KLHL3: variants seen among roughly 807,000 people sequenced by gnomAD.
KLHL3 encodes kelch like family member 3, also known as kelch-like protein 3.
A neutral mutation model predicts 70.5 loss-of-function variants in KLHL3; 19 were observed. The observed-to-expected ratio is 0.27, with a 90% confidence interval of 0.19 to 0.40. KLHL3 has a LOEUF of 0.40. Among genes scored for constraint, KLHL3 ranks in the 10% least tolerant of loss-of-function variants. KLHL3 has a pLI of 1.00. For synonymous variants in KLHL3, 258 were observed against 290.3 expected (o/e 0.89, Z 1.13); for missense variants, 512 against 771.1 (o/e 0.66, Z 3.98).
intron 1 of KLHL3, among the ~76,000 whole-genome samples, chr5:137,730,228 T>A (rs1218040413): frequency 6.6e-6 from 1 of 152,188 alleles, no homozygotes; most frequent in East Asian, 1.9e-4. Flanking sequence ...CCTGGGCTTT[T>A]AATAACAATG....
intron 3 of KLHL3, chr5:137,707,585 C>T (rs1752710051): frequency 6.5e-6 from 1 of 154,268 alleles, no homozygotes; most frequent in Non-Finnish European, 1.5e-5. Context: ...TTACTTTTTG[C>T]TTGCCCACAG....
At chr5:137,734,176 T>C (rs1753224689) in intron 1 of KLHL3, among the ~76,000 whole-genome samples, 2 of 152,092 alleles carry the variant, frequency 1.3e-5, no homozygotes, top group Admixed American at 1.3e-4. Context: ...GTCAAGCAAA[T>C]AGGCATGGCC....
Position 137,621,144 on chromosome 5 carries a change from C to T in KLHL3, c.*954G>A, listed in dbSNP as rs1750284710. 1.3e-5 allele frequency: 2 copies of T among 152,658 alleles called. No homozygotes were observed. The highest frequency in any genetic ancestry group is 1.3e-4 in the Admixed American group (2 of 15,274). 9.5% of individuals were successfully genotyped at this position (152,658 alleles called of 1,614,324 possible). A position where few individuals can be genotyped will look rare whatever the true frequency, so the allele number is the denominator to read the frequency against. On this transcript the variant is annotated 3_prime_UTR_variant, in exon 15 of 15. Transcript: ENST00000309755. ...AAGTATAAATGGGGACTGTCCTGTCCTGGGAAAACCTAAAAGTAGGACCCT... is the reference window on the plus strand; with the variant it reads ...AAGTATAAATGGGGACTGTCCTGTCTTGGGAAAACCTAAAAGTAGGACCCT...
chr5:137,691,088 T>A (rs1752309756), intron 5 of KLHL3, among the ~76,000 whole-genome samples: 1 of 152,146 alleles, frequency 6.6e-6, no homozygotes, highest in Non-Finnish European at 1.5e-5. Context: ...CAAAACCCCA[T>A]TAAAATAATA....
At chr5:137,652,241 T>C (rs546605786) in intron 8 of KLHL3, among the ~76,000 whole-genome samples, 2 of 152,134 alleles carry the variant, frequency 1.3e-5, no homozygotes, top group African/African-American at 2.4e-5. Flanking sequence ...ACAGCCACCA[T>C]GGAAAACAGT....
At chr5:137,633,918 A>G in intron 12 of KLHL3, 119 bp downstream of exon 12, 1 of 1,298,468 alleles carries the variant, frequency 7.7e-7, no homozygotes, top group Non-Finnish European at 1.1e-6. Context: ...ACCATTATGC[A>G]ATATATCCAT....
intron 8 of KLHL3, among the ~76,000 whole-genome samples, chr5:137,655,014 A>C (rs766471682): frequency 5.3e-5 from 8 of 152,206 alleles, no homozygotes; most frequent in African/African-American, 7.2e-5. Flanking sequence ...AGTCCAAAAA[A>C]GGAGAGGTCA....
chr5:137,729,595 T>G (rs906254596), intron 1 of KLHL3, among the ~76,000 whole-genome samples: 1 of 152,172 alleles, frequency 6.6e-6, no homozygotes, highest in African/African-American at 2.4e-5. Flanking sequence ...AGTAATATTT[T>G]ACTGCAAATC....
rs1580715400 is a variant in KLHL3, at chr5:137,628,289, G to A, written c.1591+8C>T. The A allele has an allele frequency of 6.2e-7, 1 of 1,614,056 alleles. No homozygotes were observed. Among genetic ancestry groups the A allele is most frequent in the Non-Finnish European group, 8.5e-7 (1 of 1,179,948 alleles). ...CCCCAAAGGGGAGATGGAGAGAGCA[G>A]TCATTACCTGCGTTGCGCCGGCACA... On this transcript the variant is annotated splice_region_variant and intron_variant, in intron 13 of 14. Coordinates refer to ENST00000309755, the MANE Select transcript of KLHL3 (RefSeq NM_017415.3).
intron 5 of KLHL3, among the ~76,000 whole-genome samples, chr5:137,690,683 C>T (rs1388160364): frequency 6.6e-6 from 1 of 152,174 alleles, no homozygotes; most frequent in Non-Finnish European, 1.5e-5. Context: ...TCTCTGCAGG[C>T]TCCTGGGGTC....
intron 11 of KLHL3, among the ~76,000 whole-genome samples, chr5:137,635,648 A>T (rs1580721719): frequency 6.6e-6 from 1 of 152,078 alleles, no homozygotes; most frequent in Non-Finnish European, 1.5e-5. Flanking sequence ...AGTGAAGAAG[A>T]CAGAGTCCAC....
chr5:137,634,186 G>T, intron 11 of KLHL3, 21 bp from the exon 12 acceptor site: 1 of 1,590,232 alleles, frequency 6.3e-7, no homozygotes, highest in South Asian at 1.1e-5. Context: ...CAAAGTGGCT[G>T]AGTGTGGTGC....
rs80068268 is a variant in KLHL3, at chr5:137,655,614, G to T, written c.903+2517C>A. Among the ~76,000 whole-genome samples, 965 of 152,222 alleles carry T rather than the reference G, an allele frequency of 6.3e-3. 11 individuals are homozygous for T. The highest frequency in any genetic ancestry group is 0.022 in the African/African-American group (909 of 41,524). On this transcript the variant is annotated intron_variant, in intron 8 of 14. Coordinates refer to ENST00000309755, the MANE Select transcript of KLHL3 (RefSeq NM_017415.3). ...AATTACTATAAACAAGAGGCAAATT[G>T]CAAACTAAGAAAAAACATATTTGAA...
intron 5 of KLHL3, among the ~76,000 whole-genome samples, chr5:137,684,749 A>C (rs1214415564): frequency 6.6e-6 from 1 of 152,256 alleles, no homozygotes; most frequent in Non-Finnish European, 1.5e-5. Context: ...ATAATGAGGT[A>C]TAAGAAACAG....
intron 3 of KLHL3, chr5:137,706,416 G>T: frequency 1.0e-6 from 1 of 981,558 alleles, no homozygotes; most frequent in Non-Finnish European, 1.2e-6. Flanking sequence ...AAGCCAATGG[G>T]CCTTAAAAAT....
intron 13 of KLHL3, among the ~76,000 whole-genome samples, chr5:137,627,714 A>G (rs1171009285): frequency 1.3e-5 from 2 of 152,344 alleles, no homozygotes; most frequent in Admixed American, 1.3e-4. Flanking sequence ...CTCATGCTCC[A>G]AGAAATATAA....
chr5:137,709,644 C>T, intron 3 of KLHL3, 106 bp downstream of exon 3: 1 of 864,550 alleles, frequency 1.2e-6, no homozygotes, highest in Non-Finnish European at 1.9e-6. Context: ...TCATAGTGGG[C>T]TAATGGCTTT....
chr5:137,718,227 C>A (rs930650952), intron 2 of KLHL3, among the ~76,000 whole-genome samples: 1 of 152,168 alleles, frequency 6.6e-6, no homozygotes, highest in African/African-American at 2.4e-5. Context: ...GAAGAAGAAG[C>A]AGGACTGTTA....
chr5:137,716,764 T>C (rs1752900922), intron 2 of KLHL3, among the ~76,000 whole-genome samples: 1 of 152,160 alleles, frequency 6.6e-6, no homozygotes, highest in South Asian at 2.1e-4. Flanking sequence ...CTGTGGTCAG[T>C]GGTCTCTTAT....
Sources: gnomAD v4.1 joint callset for allele counts (sites outside exome capture counted in the v4.1 genomes callset) on GRCh38, gnomAD v4.1.1 for gene constraint, MANE v1.5 for transcripts, NCBI Gene and HGNC (gene_info 2026-07-23, HGNC 2026-07-21) for gene names.